The following RBFOX3 variants were observed in gnomAD, a reference collection of about 807,000 sequenced individuals.
RBFOX3 encodes the protein RNA binding protein fox-1 homolog 3.
Under a neutral mutation model 48.7 loss-of-function variants are expected in RBFOX3, and 17 were observed. The observed-to-expected ratio is 0.35, with a 90% CI of 0.24 to 0.52. The LOEUF (loss-of-function observed/expected upper bound fraction) is 0.52, where lower values mean the gene tolerates loss of function less well. Among genes scored for constraint, RBFOX3 ranks in the 20% least tolerant of loss-of-function variants. The pLI, the probability that RBFOX3 is intolerant of heterozygous loss-of-function variation, is 0.94. For synonymous variants in RBFOX3, 212 were observed against 209.5 expected (o/e 1.01, Z -0.10); for missense variants, 382 against 497.5 (o/e 0.77, Z 2.21).
the RBFOX3 span, among the ~76,000 whole-genome samples, chr17:79,646,784 C>T: frequency 3.3e-5 from 5 of 152,294 alleles, no homozygotes; most frequent in Non-Finnish European, 5.9e-5. Flanking sequence ...TCTGCTCTGC[C>T]GCCAGCACCC....
chr17:79,155,526 A>G (rs1299719231), intron 4 of RBFOX3, among the ~76,000 whole-genome samples: 1 of 152,222 alleles, frequency 6.6e-6, no homozygotes, highest in African/African-American at 2.4e-5. Context: ...TGTATATTTC[A>G]GAGTATTATG....
chr17:79,429,811 A>T (rs1026636821), intron 2 of RBFOX3, among the ~76,000 whole-genome samples: 23 of 152,294 alleles, frequency 1.5e-4, no homozygotes, highest in Middle Eastern at 3.4e-3. Context: ...AGAGCCCAAC[A>T]TCCCTACATT....
At chr17:79,176,212 G>C (rs2050509321) in intron 4 of RBFOX3, among the ~76,000 whole-genome samples, 2 of 152,210 alleles carry the variant, frequency 1.3e-5, no homozygotes, top group South Asian at 4.1e-4. Context: ...CCCAGGGCGA[G>C]GGCATGGCCC....
chr17:79,637,261 A>G, the RBFOX3 span, among the ~76,000 whole-genome samples: 2 of 152,208 alleles, frequency 1.3e-5, no homozygotes, highest in Non-Finnish European at 2.9e-5. Context: ...AAGAAAATCA[A>G]TAAGGAAACA....
chr17:79,618,556 G>T, the RBFOX3 span, among the ~76,000 whole-genome samples: 1 of 152,158 alleles, frequency 6.6e-6, no homozygotes, highest in Admixed American at 6.5e-5. Flanking sequence ...CTTTTGTGTG[G>T]ATGTGCTCAG....
At position 79,212,918 on chromosome 17, in the gene RBFOX3, A is replaced by T. The variant is rs1163302831; in HGVS notation, c.-34+22848T>A. Among the ~76,000 whole-genome samples the T allele has an allele frequency of 6.6e-6, 1 of 152,112 alleles. No individual in the cohort carries two copies. On this transcript the variant is annotated intron_variant, in intron 4 of 14. Coordinates refer to ENST00000693108, the MANE Select transcript of RBFOX3 (RefSeq NM_001350451.2). The surrounding 1 kb of genome is among the most constrained non-coding windows in gnomAD (Gnocchi z 4.7). ...TGCCCAGGCTGGAGTGCAGTGGCGC[A>T]ATCTCAGATCACTGCAACCTCCGTC...
At chr17:79,340,722 G>GA (rs112341531) in intron 2 of RBFOX3, among the ~76,000 whole-genome samples, 14 of 147,720 alleles carry the variant, frequency 9.5e-5, no homozygotes, top group African/African-American at 2.0e-4. Flanking sequence ...TCCGATGAAT[G>GA]AAAAAAAAAA....
At chr17:79,404,230 G>A (rs28421292) in intron 2 of RBFOX3, among the ~76,000 whole-genome samples, 3 of 152,178 alleles carry the variant, frequency 2.0e-5, no homozygotes, top group Admixed American at 6.5e-5. Flanking sequence ...ACTGAGGCCC[G>A]TGAGGACAGT....
intron 4 of RBFOX3, among the ~76,000 whole-genome samples, chr17:79,131,654 T>C (rs950388417): frequency 6.6e-6 from 1 of 152,252 alleles, no homozygotes; most frequent in African/African-American, 2.4e-5. Context: ...TACAATTGGT[T>C]TCCTTCATAA....
the RBFOX3 span, among the ~76,000 whole-genome samples, chr17:79,647,899 G>A: frequency 6.6e-6 from 1 of 151,018 alleles, no homozygotes; most frequent in South Asian, 2.1e-4. Flanking sequence ...GGTAGAGACA[G>A]AGCCCACCTG....
intron 2 of RBFOX3, among the ~76,000 whole-genome samples, chr17:79,450,541 A>T (rs2073281297): frequency 6.6e-6 from 1 of 150,446 alleles, no homozygotes; most frequent in Non-Finnish European, 1.5e-5. Flanking sequence ...TGGACTTCTG[A>T]TTTTTTTTTT....
intron 4 of RBFOX3, among the ~76,000 whole-genome samples, chr17:79,226,778 A>G (rs2060357077): frequency 1.3e-5 from 2 of 152,236 alleles, no homozygotes; most frequent in Non-Finnish European, 2.9e-5. Context: ...GCACACAGGT[A>G]TTGGATAAAA....
chr17:79,553,478 A>C (rs1251649747), intron 1 of RBFOX3, among the ~76,000 whole-genome samples: 4 of 152,212 alleles, frequency 2.6e-5, no homozygotes, highest in Non-Finnish European at 1.5e-5. Context: ...TTCTCACTTT[A>C]GGAAAATTAC....
At chr17:79,250,070 G>A (rs1042000617) in intron 3 of RBFOX3, among the ~76,000 whole-genome samples, 2 of 152,148 alleles carry the variant, frequency 1.3e-5, no homozygotes, top group Non-Finnish European at 2.9e-5. Context: ...TGGCTCAACC[G>A]GATTCAGAGT....
intron 2 of RBFOX3, among the ~76,000 whole-genome samples, chr17:79,365,445 C>T (rs1170535910): frequency 4.6e-5 from 7 of 152,230 alleles, no homozygotes; most frequent in Non-Finnish European, 7.3e-5. Flanking sequence ...TCATTAAATG[C>T]CTGTGATAAC....
intron 2 of RBFOX3, among the ~76,000 whole-genome samples, chr17:79,417,945 G>A (rs1325761756): frequency 1.3e-5 from 2 of 152,376 alleles, no homozygotes; most frequent in East Asian, 1.9e-4. Context: ...ACATGACGCT[G>A]AGTGAAGTAA....
At chr17:79,584,584 C>T (rs1034359429) in intron 1 of RBFOX3, among the ~76,000 whole-genome samples, 1 of 151,874 alleles carries the variant, frequency 6.6e-6, no homozygotes, top group Non-Finnish European at 1.5e-5. Flanking sequence ...GAATACTACT[C>T]AGCCATAAAA....
Position 79,472,010 on chromosome 17 carries a change from G to A in RBFOX3, c.-175+10444C>T, listed in dbSNP as rs1377962412. Among the ~76,000 whole-genome samples, 3 of 152,218 alleles carry A rather than the reference G, an allele frequency of 2.0e-5. No homozygotes were observed. In the East Asian group the frequency reaches 5.8e-4, roughly 29 times the overall value. On this transcript the variant is annotated intron_variant, in intron 2 of 14. Transcript: ENST00000693108. ...TTAAGGAACTCCAGAAAGAAAAGGG[G>A]ACAGGTGACAAGAGACATGACCAAA... is the stretch of plus-strand genomic sequence containing the variant.
At chr17:79,457,816 C>T (rs1484568011) in intron 2 of RBFOX3, among the ~76,000 whole-genome samples, 4 of 152,224 alleles carry the variant, frequency 2.6e-5, no homozygotes, top group African/African-American at 4.8e-5. Context: ...CATAAGGAAA[C>T]GGAACGTGAC....
Sources: gnomAD v4.1 joint callset for allele counts (sites outside exome capture counted in the v4.1 genomes callset) on GRCh38, gnomAD v4.1.1 for gene constraint, Gnocchi (gnomAD v3.1) non-coding constraint, MANE v1.5 for transcripts, NCBI Gene and HGNC (gene_info 2026-07-23, HGNC 2026-07-21) for gene names.